Variants in MRPL1 observed in about 807,000 individuals in gnomAD.
MRPL1 encodes the protein mitochondrial ribosomal protein L1, also known as large ribosomal subunit protein uL1m.
Under a neutral mutation model 38.0 loss-of-function variants are expected in MRPL1, and 28 were observed. The ratio of observed to expected loss-of-function variants is 0.74; its 90% CI spans 0.55 to 1.01. The LOEUF is 1.01. Among genes scored for constraint, MRPL1 ranks in the 50% least tolerant of loss-of-function variants. The pLI is 0.00. For synonymous variants in MRPL1, 123 were observed against 126.7 expected (o/e 0.97, Z 0.20); for missense variants, 358 against 389.8 (o/e 0.92, Z 0.69).
At chr4:77,902,885 C>T (rs901084784) in intron 6 of MRPL1, among the ~76,000 whole-genome samples, 3 of 152,036 alleles carry the variant, frequency 2.0e-5, no homozygotes, top group Non-Finnish European at 4.4e-5. Context: ...ATGAAAAGTC[C>T]AGGCCCACCT....
At chr4:77,870,677 A>T (rs1446818826) in intron 1 of MRPL1, among the ~76,000 whole-genome samples, 3 of 152,224 alleles carry the variant, frequency 2.0e-5, no homozygotes, top group Admixed American at 2.0e-4. Context: ...TAGTGTTTCT[A>T]AAAAGATGCA....
In MRPL1 at chr4:77,917,203, T is replaced by C. The variant is rs1736442379; in HGVS notation, c.777+7831T>C. On this transcript the variant is annotated intron_variant, in intron 7 of 8. Transcript: ENST00000315567. Reference sequence around the variant, plus strand: ...CCCACTCTTATTCTCCACAACTCTCTTTTTTGTGTATGCAGTCTCCTATTG... The same window carrying C: ...CCCACTCTTATTCTCCACAACTCTCCTTTTTGTGTATGCAGTCTCCTATTG... Among the ~76,000 whole-genome samples the C allele has an allele frequency of 1.3e-5, 2 of 152,184 alleles. 1 individual carries two copies. Among genetic ancestry groups the C allele is most frequent in the South Asian group, 4.1e-4 (2 of 4,828 alleles).
intron 8 of MRPL1, among the ~76,000 whole-genome samples, chr4:77,951,822 C>T (rs967090986): frequency 1.1e-4 from 17 of 152,044 alleles, no homozygotes; most frequent in African/African-American, 3.1e-4. Flanking sequence ...GGGTTGTGTA[C>T]GTGTGCCCTG....
At chr4:77,876,729 C>T (rs888936847) in intron 2 of MRPL1, among the ~76,000 whole-genome samples, 2 of 152,026 alleles carry the variant, frequency 1.3e-5, no homozygotes, top group Non-Finnish European at 2.9e-5. Flanking sequence ...TAGAGGGGCA[C>T]CTGCTAGCTT....
chr4:77,893,942 G>C (rs901835967), intron 5 of MRPL1, among the ~76,000 whole-genome samples, 197 bp from the exon 6 acceptor site: 1 of 151,806 alleles, frequency 6.6e-6, no homozygotes, highest in African/African-American at 2.4e-5. Flanking sequence ...GGATGTGGCT[G>C]TTTTTAAAGG....
At chr4:77,878,494 C>T (rs982246414) in intron 2 of MRPL1, among the ~76,000 whole-genome samples, 2 of 152,122 alleles carry the variant, frequency 1.3e-5, no homozygotes, top group Non-Finnish European at 2.9e-5. Context: ...GTAAAGGATT[C>T]TTCAGCCTTG....
At chr4:77,894,315 G>C (rs1263298174) in intron 6 of MRPL1, 65 bp downstream of exon 6, 14 of 1,026,888 alleles carry the variant, frequency 1.4e-5, no homozygotes, top group African/African-American at 3.3e-5. Context: ...GCTTAGTTAG[G>C]AAACAAAGTT....
At chr4:77,917,992 T>A (rs1578053646) in intron 7 of MRPL1, among the ~76,000 whole-genome samples, 3 of 151,142 alleles carry the variant, frequency 2.0e-5, no homozygotes, top group Admixed American at 2.0e-4. Flanking sequence ...GAGGCGGAGG[T>A]TGCAGTGAGC....
chr4:77,950,352 T>G (rs573268004), intron 8 of MRPL1, among the ~76,000 whole-genome samples: 2 of 152,210 alleles, frequency 1.3e-5, no homozygotes, highest in African/African-American at 4.8e-5. Context: ...AGGTGACTCA[T>G]AGAGAATCAC....
At chr4:77,882,774 A>G (rs1162137820) in intron 2 of MRPL1, among the ~76,000 whole-genome samples, 1 of 152,224 alleles carries the variant, frequency 6.6e-6, no homozygotes, top group Non-Finnish European at 1.5e-5. Context: ...GCTGTTATGA[A>G]TAATGCTGCT....
rs759833034 is a variant in MRPL1, at chr4:77,883,366, C to T, written c.268C>T (p.Arg90Cys). Reference sequence around the variant, plus strand: ...ACCTGAGGATGATGTCTATTTAAAACGCTTATACCCGAGACAGATATATGA... The same window carrying T: ...ACCTGAGGATGATGTCTATTTAAAATGCTTATACCCGAGACAGATATATGA... ...GEPEDDVYLK[R>C]LYPRQIYEVE... The change falls in exon 3 of 9, where the codon CGC becomes TGC. Residue 90 changes from arginine to cysteine, a missense_variant. Coordinates refer to ENST00000315567, the MANE Select transcript of MRPL1 (RefSeq NM_020236.4). The T allele has an allele frequency of 2.4e-5, 38 of 1,613,722 alleles. No homozygotes were observed. The highest frequency in any genetic ancestry group is 1.6e-4 in the Middle Eastern group (1 of 6,082).
At chr4:77,862,988 T>C (rs1408404056) in intron 1 of MRPL1, 109 bp downstream of exon 1, 1 of 1,387,616 alleles carries the variant, frequency 7.2e-7, no homozygotes, top group African/African-American at 1.4e-5. Context: ...CCTCGTGCTG[T>C]TTCTGGTCTC....
intron 7 of MRPL1, among the ~76,000 whole-genome samples, chr4:77,938,687 C>T (rs1232883918): frequency 6.6e-6 from 1 of 152,128 alleles, no homozygotes; most frequent in Non-Finnish European, 1.5e-5. Context: ...GACATTGGCC[C>T]CACAGCCCTC....
chr4:77,884,410 T>G lies in MRPL1; in HGVS notation c.403-846T>G, dbSNP rs72869523. On this transcript the variant is annotated intron_variant, in intron 3 of 8. Transcript: ENST00000315567. ...AAACCTTAAGGCTGCAACAAAACTT[T>G]GGAGGGCCTAGAACTTGTTTCTCTG... Among the ~76,000 whole-genome samples, 91 of 152,324 alleles carry G rather than the reference T, an allele frequency of 6.0e-4. 1 individual carries two copies. The highest frequency in any genetic ancestry group is 2.1e-3 in the African/African-American group (86 of 41,576).
chr4:77,913,201 C>G (rs897879005), intron 7 of MRPL1, among the ~76,000 whole-genome samples: 5 of 151,908 alleles, frequency 3.3e-5, no homozygotes, highest in Non-Finnish European at 5.9e-5. Context: ...AGCTTCTACT[C>G]TTTAAAAGAC....
intron 2 of MRPL1, 54 bp downstream of exon 2, chr4:77,871,909 A>G: frequency 8.3e-7 from 1 of 1,202,276 alleles, no homozygotes; most frequent in South Asian, 1.3e-5. Context: ...AATTTTTTTT[A>G]AAAAGCATGT....
chr4:77,931,786 G>A (rs564448147), intron 7 of MRPL1, among the ~76,000 whole-genome samples: 4 of 152,310 alleles, frequency 2.6e-5, no homozygotes, highest in Admixed American at 6.5e-5. Flanking sequence ...GTGAGTCTGC[G>A]CACTGTGTCA....
intron 6 of MRPL1, 26 bp from the exon 7 acceptor site, chr4:77,909,240 T>G: frequency 7.5e-7 from 1 of 1,324,808 alleles, no homozygotes; most frequent in Non-Finnish European, 1.1e-6. Context: ...GGAGTGATAA[T>G]TGTGGATTTT....
At chr4:77,951,984 T>C (rs570390737) in intron 8 of MRPL1, among the ~76,000 whole-genome samples, 1 of 152,248 alleles carries the variant, frequency 6.6e-6, no homozygotes, top group Non-Finnish European at 1.5e-5. Flanking sequence ...GGGCAAAGTA[T>C]ATGATAATCA....
Sources: allele counts gnomAD v4.1 joint callset (sites outside exome capture counted in the v4.1 genomes callset), GRCh38; gene constraint gnomAD v4.1.1; transcripts MANE v1.5; gene names NCBI Gene and HGNC (gene_info 2026-07-23, HGNC 2026-07-21).